The following MAST4 variants were observed in gnomAD, a reference collection of about 807,000 sequenced individuals.
The protein encoded by MAST4 is microtubule-associated serine/threonine-protein kinase 4.
MAST4 carries 89 observed loss-of-function variants against 162.7 expected under a neutral mutation model. That is an observed-to-expected ratio of 0.55 (90% confidence interval 0.46 to 0.65). The LOEUF (loss-of-function observed/expected upper bound fraction) is 0.65. MAST4 is among the 30% of genes least tolerant of loss of function. The probability of loss-of-function intolerance (pLI) is 0.00; values close to 1 mark genes in which losing one functional copy is unlikely to be tolerated. For missense variants in MAST4, 3,153 were observed against 3,374.0 expected (o/e 0.93, Z 1.62); for synonymous variants, 1,479 against 1,361.1 (o/e 1.09, Z -1.91).
At chr5:66,909,840 G>A (rs147549102) in intron 4 of MAST4, among the ~76,000 whole-genome samples, 1 of 152,166 alleles carries the variant, frequency 6.6e-6, no homozygotes, top group African/African-American at 2.4e-5. Context: ...TCTCATGGTG[G>A]TGAATAAGTC....
At chr5:66,802,107 G>T (rs2149698317) in intron 3 of MAST4, among the ~76,000 whole-genome samples, 1 of 152,166 alleles carries the variant, frequency 6.6e-6, no homozygotes, top group African/African-American at 2.4e-5. Context: ...TTATTGTTTG[G>T]TTTATGATCC....
chr5:67,100,691 T>A, intron 8 of MAST4, 99 bp downstream of exon 8: 1 of 1,379,704 alleles, frequency 7.2e-7, no homozygotes, highest in Non-Finnish European at 1.0e-6. Flanking sequence ...GTGTGTTAAC[T>A]GACTTGCAAA....
At chr5:66,628,574 AATT>A (rs958282630) in intron 1 of MAST4, among the ~76,000 whole-genome samples, 1 of 152,010 alleles carries the variant, frequency 6.6e-6, no homozygotes, top group African/African-American at 2.4e-5. Flanking sequence ...GCAAAGGAAA[AATT>A]ATTATTATTT....
chr5:66,782,262 C>A lies in MAST4; in HGVS notation c.518-6408C>A, dbSNP rs1754908958. Among the ~76,000 whole-genome samples the A allele has an allele frequency of 4.1e-5, 6 of 148,012 alleles. No homozygotes were observed. The Admixed American group carries it at 4.1e-4, about 10-fold the overall frequency. On this transcript the variant is annotated intron_variant, in intron 2 of 28. Coordinates refer to ENST00000403625, the MANE Select transcript of MAST4 (RefSeq NM_001164664.2). ...CGAGATAATGCCACTGCACTCCAGC[C>A]TGGGGGACAAGAGCGAGACTTCGTC...
intron 1 of MAST4, among the ~76,000 whole-genome samples, chr5:66,693,668 G>A (rs2149499325): frequency 6.7e-6 from 1 of 148,200 alleles, no homozygotes; most frequent in East Asian, 2.0e-4. Flanking sequence ...TTATTAAATA[G>A]TGCTAGATGC....
At chr5:66,953,547 G>A (rs1038549041) in intron 4 of MAST4, among the ~76,000 whole-genome samples, 2 of 152,218 alleles carry the variant, frequency 1.3e-5, no homozygotes, top group Admixed American at 1.3e-4. Context: ...GAGACAGTCT[G>A]AGGCTCTGTC....
At chr5:66,918,493 C>T (rs922876983) in intron 4 of MAST4, among the ~76,000 whole-genome samples, 2 of 152,246 alleles carry the variant, frequency 1.3e-5, no homozygotes, top group Non-Finnish European at 2.9e-5. Flanking sequence ...TTAATTTATA[C>T]TGTATATTGA....
intron 4 of MAST4, among the ~76,000 whole-genome samples, chr5:66,987,671 A>C (rs1183243168): frequency 6.6e-6 from 1 of 152,056 alleles, no homozygotes; most frequent in African/African-American, 2.4e-5. Context: ...TAATGGTTTA[A>C]GGAAAATATT....
At chr5:66,623,023 G>T (rs1744178088) in intron 1 of MAST4, 1 of 152,158 alleles carries the variant, frequency 6.6e-6, no homozygotes, top group Non-Finnish European at 1.5e-5. Flanking sequence ...GCTACTATGG[G>T]TCCCTGAGAG....
rs1295603935 is a variant in MAST4, at chr5:67,168,701, C to T, written c.*1650C>T. 1 of 151,930 alleles carries T rather than the reference C, an allele frequency of 6.6e-6. No homozygotes were observed. The highest frequency in any genetic ancestry group is 1.5e-5 in the Non-Finnish European group (1 of 67,974). 9.4% of individuals were successfully genotyped at this position (151,930 alleles called of 1,614,324 possible). The stretch of plus-strand genomic sequence containing the variant: ...TACCAATAAATAACTGATCTAGCAC[C>T]CAAACTCTCTTGGGGGATGTCTTAG... On this transcript the variant is annotated 3_prime_UTR_variant, in exon 29 of 29. Transcript: ENST00000403625.
chr5:66,796,416 G>A (rs901789599), intron 3 of MAST4, among the ~76,000 whole-genome samples: 1 of 152,084 alleles, frequency 6.6e-6, no homozygotes, highest in African/African-American at 2.4e-5. Flanking sequence ...TCATTTTGCA[G>A]AGGTTAAAAA....
At chr5:67,106,659 T>C (rs185240196) in intron 10 of MAST4, among the ~76,000 whole-genome samples, 3 of 152,314 alleles carry the variant, frequency 2.0e-5, no homozygotes, top group East Asian at 3.9e-4. Flanking sequence ...TGCAAGAATA[T>C]CTATCTAAAA....
chr5:67,039,692 G>A (rs1224963895), intron 4 of MAST4, among the ~76,000 whole-genome samples: 1 of 152,136 alleles, frequency 6.6e-6, no homozygotes, highest in Non-Finnish European at 1.5e-5. Context: ...ATTAACTGAA[G>A]CACTGTGTCT....
At chr5:67,082,072 T>C (rs1762718697) in intron 5 of MAST4, among the ~76,000 whole-genome samples, 1 of 151,678 alleles carries the variant, frequency 6.6e-6, no homozygotes, top group Admixed American at 6.6e-5. Flanking sequence ...ACAAATTTCA[T>C]AACCTGAATC....
chr5:66,837,050 G>A (rs958277634), intron 3 of MAST4, among the ~76,000 whole-genome samples: 2 of 152,064 alleles, frequency 1.3e-5, no homozygotes, highest in Admixed American at 6.5e-5. Context: ...GTGTGTGTGT[G>A]TGTATGTATA....
chr5:66,660,591 C>T (rs1746841257), intron 1 of MAST4, among the ~76,000 whole-genome samples: 1 of 152,168 alleles, frequency 6.6e-6, no homozygotes, highest in Non-Finnish European at 1.5e-5. Context: ...TTCATGTTTG[C>T]AGTATCTTGA....
chr5:66,624,114 TC>T (rs1273742758), intron 1 of MAST4, among the ~76,000 whole-genome samples: 2 of 150,846 alleles, frequency 1.3e-5, no homozygotes, highest in Non-Finnish European at 2.9e-5. Context: ...GATCTCATGT[TC>T]ACAGATTGGA....
rs751533172 is a variant in MAST4, at chr5:67,104,425, C to T, written c.1206C>T (p.Asn402=). Reference sequence around the variant, plus strand: ...TTATCACCAGCTACTCTCCTGACAACGTTCTACCCTTAGCAGATGGAGTGC... The same window carrying T: ...TTATCACCAGCTACTCTCCTGACAATGTTCTACCCTTAGCAGATGGAGTGC... The part of the protein sequence containing the change: ...KEIITSYSPD[N]VLPLADGVLS... Residue 402 remains asparagine (N), a synonymous_variant, in exon 10 of 29, where the codon AAC becomes AAT. Coordinates refer to ENST00000403625, the MANE Select transcript of MAST4 (RefSeq NM_001164664.2). 4.3e-6 allele frequency: 7 copies of T among 1,613,866 alleles called. No homozygotes were observed. The Admixed American group carries it at 6.7e-5, about 15-fold the overall frequency.
chr5:67,021,683 A>G (rs1360275588), intron 4 of MAST4, among the ~76,000 whole-genome samples: 3 of 152,204 alleles, frequency 2.0e-5, no homozygotes, highest in African/African-American at 7.2e-5. Flanking sequence ...GTAGAAGACT[A>G]AGACTGAGAA....
Sources: gnomAD v4.1 joint callset for allele counts (sites outside exome capture counted in the v4.1 genomes callset) on GRCh38, gnomAD v4.1.1 for gene constraint, MANE v1.5 for transcripts, NCBI Gene and HGNC (gene_info 2026-07-23, HGNC 2026-07-21) for gene names.